LAMA2: variants seen among roughly 807,000 people sequenced by gnomAD.
The protein encoded by LAMA2 is laminin subunit alpha-2.
In LAMA2, 269 loss-of-function variants were observed where a neutral mutation model predicts 364.8. The ratio of observed to expected loss-of-function variants is 0.74; its 90% confidence interval spans 0.67 to 0.82. LAMA2 has a LOEUF of 0.82. LAMA2 is among the 40% of genes least tolerant of loss of function. The pLI, the probability that LAMA2 is intolerant of heterozygous loss-of-function variation, is 0.00. For missense variants in LAMA2, 3,807 were observed against 3,873.2 expected (o/e 0.98, Z 0.45); for synonymous variants, 1,379 against 1,370.6 (o/e 1.01, Z -0.14).
rs1378985575 is a variant in LAMA2 at position 129,491,923 on chromosome 6, G to A, written c.7921G>A (p.Glu2641Lys). ...CAGCATCTTTACAGTTCAAGTGGAT[G>A]AAAACAGAAGATACATGCAAAACCT... ...TRGIFTVQVD[E>K]NRRYMQNLTV... is the part of the protein sequence containing the mutation. The change falls in exon 57 of 65, where the codon GAA becomes AAA. Residue 2641 changes from glutamate (E) to lysine (K), a missense_variant. Physicochemically the swap from Glu to Lys is moderately conservative, Grantham distance 56. This residue lies in a region of LAMA2 where 3,333 missense variants were observed against 3,345.7 expected (regional missense o/e 1.00). Coordinates refer to ENST00000421865, the MANE Select transcript of LAMA2 (RefSeq NM_000426.4). 6.2e-7 allele frequency: 1 copy of A among 1,613,270 alleles called. No individual in the cohort carries two copies. Among genetic ancestry groups the A allele is most frequent in the African/African-American group, 1.3e-5 (1 of 75,046 alleles).
chr6:128,923,633 AT>A (rs891260043), intron 1 of LAMA2, among the ~76,000 whole-genome samples: 10 of 152,118 alleles, frequency 6.6e-5, no homozygotes, highest in Admixed American at 2.6e-4. Flanking sequence ...AGGAATAATA[AT>A]TTTTTTCCCA....
chr6:129,444,943 C>T (rs1782293430), intron 44 of LAMA2, among the ~76,000 whole-genome samples: 1 of 152,362 alleles, frequency 6.6e-6, no homozygotes, highest in South Asian at 2.1e-4. Flanking sequence ...TACTGAAAGT[C>T]TATGGATCAG....
chr6:129,094,335 G>T (rs193271412), intron 3 of LAMA2, among the ~76,000 whole-genome samples: 2 of 152,290 alleles, frequency 1.3e-5, no homozygotes, highest in Admixed American at 1.3e-4. Flanking sequence ...GAAAATAAAT[G>T]AAAGAGGGAT....
At chr6:129,468,935 T>G (rs1010900515) in intron 51 of LAMA2, among the ~76,000 whole-genome samples, 2 of 151,862 alleles carry the variant, frequency 1.3e-5, no homozygotes, top group African/African-American at 4.8e-5. Flanking sequence ...AACTGAGCCC[T>G]AAGTCCTTTT....
At chr6:129,504,553 A>C (rs1393122357) in intron 60 of LAMA2, among the ~76,000 whole-genome samples, 1 of 152,156 alleles carries the variant, frequency 6.6e-6, no homozygotes, top group Non-Finnish European at 1.5e-5. Flanking sequence ...ACCTAAATTC[A>C]GACTCAAGGT....
At chr6:128,924,764 A>G (rs868531989) in intron 1 of LAMA2, among the ~76,000 whole-genome samples, 2 of 152,174 alleles carry the variant, frequency 1.3e-5, no homozygotes, top group African/African-American at 2.4e-5. Context: ...CTGTAGGCCA[A>G]CCACCCCTTC....
chr6:129,070,738 T>C (rs1773257255), intron 3 of LAMA2, among the ~76,000 whole-genome samples: 1 of 152,216 alleles, frequency 6.6e-6, no homozygotes, highest in Admixed American at 6.5e-5. Context: ...CAACTTTCCA[T>C]TTTAGATATG....
At chr6:128,887,342 T>G (rs1363298377) in intron 1 of LAMA2, among the ~76,000 whole-genome samples, 1 of 152,114 alleles carries the variant, frequency 6.6e-6, no homozygotes, top group Non-Finnish European at 1.5e-5. Flanking sequence ...ACTGACCTAA[T>G]CATTTAGTAA....
intron 12 of LAMA2, among the ~76,000 whole-genome samples, chr6:129,214,855 C>T (rs1020890132): frequency 6.6e-6 from 1 of 152,176 alleles, no homozygotes; most frequent in Non-Finnish European, 1.5e-5. Context: ...CTTGAATCTA[C>T]ACAAATTGGG....
chr6:129,480,993 ATCT>A (rs1434396930), intron 54 of LAMA2, among the ~76,000 whole-genome samples: 1 of 152,186 alleles, frequency 6.6e-6, no homozygotes, highest in South Asian at 2.1e-4. Flanking sequence ...AACAGTGATA[ATCT>A]TCTATATTTA....
chr6:129,263,522 G>A (rs1319026759), intron 15 of LAMA2, among the ~76,000 whole-genome samples: 1 of 152,148 alleles, frequency 6.6e-6, no homozygotes, highest in East Asian at 1.9e-4. Context: ...AAGCAGCATA[G>A]ATCGTGGAGT....
intron 10 of LAMA2, among the ~76,000 whole-genome samples, chr6:129,186,953 T>C (rs1181520391): frequency 6.6e-6 from 1 of 151,886 alleles, no homozygotes; most frequent in South Asian, 2.1e-4. Flanking sequence ...AGTTCAGCTA[T>C]GAGTTGATGA....
intron 58 of LAMA2, among the ~76,000 whole-genome samples, chr6:129,496,135 ACTG>A (rs1785172984): frequency 6.6e-6 from 1 of 151,952 alleles, no homozygotes; most frequent in Non-Finnish European, 1.5e-5. Flanking sequence ...CTAAATTCCA[ACTG>A]CTATTTCACC....
In LAMA2 at chr6:129,349,354, C is replaced by T. The variant is rs780597365; in HGVS notation, c.4493C>T (p.Pro1498Leu). The T allele has an allele frequency of 6.2e-7, 1 of 1,613,522 alleles. No homozygotes were observed. The highest frequency in any genetic ancestry group is 8.5e-7 in the Non-Finnish European group (1 of 1,179,612). The change falls in exon 31 of 65, where the codon CCA becomes CTA. Residue 1498 changes from proline (P) to leucine (L), a missense_variant. Coordinates refer to ENST00000421865, the MANE Select transcript of LAMA2 (RefSeq NM_000426.4). ...GLDDYRCTAC[P>L]RGYEGQYCER... The stretch of plus-strand genomic sequence containing the variant: ...GACGACTACCGCTGCACGGCTTGTC[C>T]ACGGGGATATGAAGGCCAGTACTGT...
intron 8 of LAMA2, chr6:129,159,167 T>C (rs1260898079): frequency 3.3e-5 from 47 of 1,429,902 alleles, no homozygotes; most frequent in Non-Finnish European, 4.5e-5. Flanking sequence ...TAGTAATTGG[T>C]CTTGCTACTT....
intron 17 of LAMA2, among the ~76,000 whole-genome samples, chr6:129,278,278 G>A (rs1346743324): frequency 6.6e-6 from 1 of 152,180 alleles, no homozygotes; most frequent in Admixed American, 6.5e-5. Flanking sequence ...ATGATAAACT[G>A]ATTTAGGATT....
chr6:129,191,573 A>G (rs1036199246), intron 11 of LAMA2, among the ~76,000 whole-genome samples: 2 of 152,232 alleles, frequency 1.3e-5, no homozygotes, highest in African/African-American at 2.4e-5. Context: ...ATCCCATTCA[A>G]CTGTCTTACA....
chr6:129,233,463 T>C (rs1040327900), intron 12 of LAMA2, among the ~76,000 whole-genome samples: 3 of 152,204 alleles, frequency 2.0e-5, no homozygotes, highest in African/African-American at 7.2e-5. Context: ...TATGTATATA[T>C]GCTGTATTCT....
At chr6:128,954,409 A>AATT (rs1180010321) in intron 1 of LAMA2, among the ~76,000 whole-genome samples, 1 of 152,050 alleles carries the variant, frequency 6.6e-6, no homozygotes, top group African/African-American at 2.4e-5. Flanking sequence ...GTCAGGAAGA[A>AATT]ATTGCAAGCT....
Sources: allele counts gnomAD v4.1 joint callset (sites outside exome capture counted in the v4.1 genomes callset), GRCh38; gene constraint gnomAD v4.1.1; regional missense constraint gnomAD v4.1.1; transcripts MANE v1.5; gene names NCBI Gene and HGNC (gene_info 2026-07-23, HGNC 2026-07-21).